The following CNTNAP2 variants were observed in gnomAD, a reference collection of about 807,000 sequenced individuals.
CNTNAP2 encodes the protein contactin associated protein 2.
In CNTNAP2, 98 loss-of-function variants were observed where a neutral mutation model predicts 155.2. The observed-to-expected ratio is 0.63, with a 90% confidence interval of 0.54 to 0.75. The LOEUF (loss-of-function observed/expected upper bound fraction) is 0.75, where lower values mean the gene tolerates loss of function less well. CNTNAP2 is among the 30% of genes least tolerant of loss of function. The pLI, the probability that CNTNAP2 is intolerant of heterozygous loss-of-function variation, is 0.00. For synonymous variants in CNTNAP2, 651 were observed against 631.2 expected (o/e 1.03, Z -0.47); for missense variants, 1,727 against 1,688.1 (o/e 1.02, Z -0.40).
rs1397845965 is a variant in CNTNAP2, at chr7:147,581,354, G to A, written c.1897+19097G>A. Among the ~76,000 whole-genome samples, 5 of 152,178 alleles carry A rather than the reference G, an allele frequency of 3.3e-5. No individual in the cohort carries two copies. In the South Asian group the frequency reaches 6.2e-4, roughly 19 times the overall value. ...CCAGATTTACATACAAGTAATTTTGGGCTATTGTCACAATTCAAATCTACC... is the reference window on the plus strand; with the variant it reads ...CCAGATTTACATACAAGTAATTTTGAGCTATTGTCACAATTCAAATCTACC... On this transcript the variant is annotated intron_variant, in intron 12 of 23. Transcript: ENST00000361727.
intron 9 of CNTNAP2, among the ~76,000 whole-genome samples, chr7:147,354,245 C>T (rs146115816): frequency 0.033 from 5,010 of 152,104 alleles, 276 homozygotes; most frequent in African/African-American, 0.11. Flanking sequence ...CCTAGGTTTT[C>T]GTCTAGGGTT....
intron 2 of CNTNAP2, among the ~76,000 whole-genome samples, chr7:146,833,996 G>T (rs530171361): frequency 9.2e-5 from 14 of 152,060 alleles, no homozygotes; most frequent in Non-Finnish European, 2.1e-4. Flanking sequence ...ATGCAATTTT[G>T]CCTGGAGTCT....
At position 147,139,140 on chromosome 7, in the gene CNTNAP2, A is replaced by C. The variant is rs568392180; in HGVS notation, c.1348+6631A>C. Among the ~76,000 whole-genome samples, 6 of 151,466 alleles carry C rather than the reference A, an allele frequency of 4.0e-5. 1 individual carries two copies. In the South Asian group the frequency reaches 1.2e-3, roughly 31 times the overall value. On this transcript the variant is annotated intron_variant, in intron 8 of 23. Coordinates refer to ENST00000361727, the MANE Select transcript of CNTNAP2 (RefSeq NM_014141.6). ...ATAGAAGCAAATTAACTTTGCTGAAAAGCCAGTATATTTCTCAGTTAACAG... is the reference window on the plus strand; with the variant it reads ...ATAGAAGCAAATTAACTTTGCTGAACAGCCAGTATATTTCTCAGTTAACAG...
chr7:146,186,474 A>C (rs1464961), intron 1 of CNTNAP2, among the ~76,000 whole-genome samples: 38,190 of 152,098 alleles, frequency 0.25, 5,023 homozygotes, highest in Middle Eastern at 0.34. Flanking sequence ...TAGTTATTGA[A>C]GTCTACATTC....
intron 3 of CNTNAP2, among the ~76,000 whole-genome samples, chr7:146,917,079 A>G (rs1289476937): frequency 3.9e-5 from 6 of 152,178 alleles, no homozygotes; most frequent in African/African-American, 7.2e-5. Context: ...TGTTGACCCA[A>G]TGATCATTGA....
chr7:146,535,255 T>C (rs1267287428), intron 1 of CNTNAP2, among the ~76,000 whole-genome samples: 2 of 55,808 alleles, frequency 3.6e-5, no homozygotes, highest in Non-Finnish European at 5.3e-5. Flanking sequence ...ATATATATGA[T>C]ATTATATCAT....
intron 3 of CNTNAP2, among the ~76,000 whole-genome samples, chr7:146,968,608 G>A (rs1318925813): frequency 9.1e-4 from 138 of 151,344 alleles, no homozygotes; most frequent in East Asian, 1.9e-3. Flanking sequence ...AGAGGTGTTT[G>A]TAGTATTCTC....
chr7:147,839,697 T>G (rs544405693), intron 13 of CNTNAP2, among the ~76,000 whole-genome samples: 9 of 152,256 alleles, frequency 5.9e-5, no homozygotes, highest in African/African-American at 2.2e-4. Context: ...CTCAATGAAC[T>G]GAAAACAGAA....
At chr7:148,022,158 A>G (rs1000021433) in intron 15 of CNTNAP2, among the ~76,000 whole-genome samples, 1 of 149,924 alleles carries the variant, frequency 6.7e-6, no homozygotes, top group Non-Finnish European at 1.5e-5. Flanking sequence ...CTTTAAATCA[A>G]GGCTTTTTGA....
intron 15 of CNTNAP2, among the ~76,000 whole-genome samples, chr7:148,081,076 A>G (rs1005322718): frequency 1.8e-4 from 27 of 152,254 alleles, no homozygotes; most frequent in African/African-American, 6.5e-4. Flanking sequence ...AAACAAGGAT[A>G]AGACGCACAG....
At chr7:148,038,067 T>C (rs1352277453) in intron 15 of CNTNAP2, among the ~76,000 whole-genome samples, 1 of 152,202 alleles carries the variant, frequency 6.6e-6, no homozygotes, top group African/African-American at 2.4e-5. Flanking sequence ...AAAAGAAAAA[T>C]TAATTTGTTT....
intron 1 of CNTNAP2, among the ~76,000 whole-genome samples, chr7:146,283,083 C>T (rs6464747): frequency 0.022 from 3,423 of 152,164 alleles, 142 homozygotes; most frequent in African/African-American, 0.078. Context: ...GTTTACGTAA[C>T]CTTTTAATAG....
intron 3 of CNTNAP2, among the ~76,000 whole-genome samples, chr7:146,897,712 C>T (rs1158825961): frequency 6.6e-6 from 1 of 151,988 alleles, no homozygotes; most frequent in African/African-American, 2.4e-5. Context: ...TTCTCTAGAG[C>T]AGTATCTTAA....
At chr7:147,353,117 G>GTA (rs1393432327) in intron 9 of CNTNAP2, among the ~76,000 whole-genome samples, 1 of 150,814 alleles carries the variant, frequency 6.6e-6, no homozygotes, top group African/African-American at 2.4e-5. Flanking sequence ...ACATGTATAT[G>GTA]TATATATACA....
At chr7:147,807,536 A>G (rs912804767) in intron 13 of CNTNAP2, among the ~76,000 whole-genome samples, 3 of 152,180 alleles carry the variant, frequency 2.0e-5, no homozygotes. Context: ...TTAAGTTTTC[A>G]CTGTGTTCTC....
rs548748381 is a variant in CNTNAP2 at position 148,377,471 on chromosome 7, A to G, written c.3476-6178A>G. Among the ~76,000 whole-genome samples, 412 of 67,820 alleles carry G rather than the reference A, an allele frequency of 6.1e-3. 179 individuals are homozygous for G. Among genetic ancestry groups the G allele is most frequent in the Middle Eastern group, 0.018 (2 of 112 alleles). 44.5% of individuals were successfully genotyped at this position (67,820 alleles called of 152,430 possible). A position where few individuals can be genotyped will look rare whatever the true frequency, so the allele number is the denominator to read the frequency against. On this transcript the variant is annotated intron_variant, in intron 21 of 23. Coordinates refer to ENST00000361727, the MANE Select transcript of CNTNAP2 (RefSeq NM_014141.6). ...GGTGTCAGTTTTAGAGCAATACAAC[A>G]ACGTTTTGAAAGACAAATCCATTTT... is the stretch of plus-strand genomic sequence containing the variant.
intron 8 of CNTNAP2, among the ~76,000 whole-genome samples, chr7:147,214,010 A>T (rs1803212566): frequency 6.6e-6 from 1 of 152,050 alleles, no homozygotes. Context: ...GATCTTCCCC[A>T]CTTAGTCCAC....
rs117347656 is a variant in CNTNAP2 at position 147,499,649 on chromosome 7, C to T, written c.1777+13608C>T. Among the ~76,000 whole-genome samples the T allele has an allele frequency of 4.3e-4, 65 of 152,316 alleles. 1 individual carries two copies. In the East Asian group the frequency reaches 5.8e-3, roughly 14 times the overall value. On this transcript the variant is annotated intron_variant, in intron 11 of 23. Transcript: ENST00000361727. The stretch of plus-strand genomic sequence containing the variant: ...CCACCCCAATTTCCCAAATTTTACC[C>T]TAGTTCTCTCCCCCAAGCATGTGGC...
intron 1 of CNTNAP2, among the ~76,000 whole-genome samples, chr7:146,289,192 C>A (rs1286976132): frequency 6.6e-6 from 1 of 152,072 alleles, no homozygotes. Flanking sequence ...TGCTTTTTTC[C>A]ATTGACCTTG....
Sources: allele counts gnomAD v4.1 joint callset (sites outside exome capture counted in the v4.1 genomes callset), GRCh38; gene constraint gnomAD v4.1.1; transcripts MANE v1.5; gene names NCBI Gene and HGNC (gene_info 2026-07-23, HGNC 2026-07-21).